The following ATL1 variants were observed in gnomAD, a reference collection of about 807,000 sequenced individuals.
ATL1 encodes the protein atlastin GTPase 1.
Under a neutral mutation model 75.5 loss-of-function variants are expected in ATL1, and 31 were observed. The observed-to-expected ratio is 0.41, with a 90% CI of 0.31 to 0.55. The LOEUF is 0.55. Ranked by LOEUF, ATL1 falls within the 20% of genes least tolerant of loss-of-function variation. The pLI, the probability that ATL1 is intolerant of heterozygous loss-of-function variation, is 0.27. For synonymous variants in ATL1, 226 were observed against 233.3 expected, an observed-to-expected ratio of 0.97 and a Z score of 0.28; for missense variants, 405 against 662.6, an observed-to-expected ratio of 0.61 and a Z score of 4.27.
At chr14:50,620,464 G>A (rs1253868367) in intron 8 of ATL1, 135 bp from the exon 9 acceptor site, 52 of 923,792 alleles carry the variant, frequency 5.6e-5, no homozygotes, top group East Asian at 8.8e-5. Context: ...TTCAGGAGTC[G>A]CTTAAATGAT....
chr14:50,544,086 T>C (rs1402678066), intron 1 of ATL1, among the ~76,000 whole-genome samples: 1 of 152,222 alleles, frequency 6.6e-6, no homozygotes, highest in Non-Finnish European at 1.5e-5. Context: ...ATGTCTGGAA[T>C]CCCAGGTATT....
chr14:50,603,926 A>G (rs1047299713), intron 6 of ATL1, among the ~76,000 whole-genome samples: 1 of 152,188 alleles, frequency 6.6e-6, no homozygotes, highest in East Asian at 1.9e-4. Flanking sequence ...ATCTGGCTAC[A>G]TAGAACTAGG....
At chr14:50,595,527 TC>T in intron 5 of ATL1, 48 bp from the exon 6 acceptor site, 1 of 1,578,174 alleles carries the variant, frequency 6.3e-7, no homozygotes, top group Non-Finnish European at 8.7e-7. Context: ...GTTCTCTCTC[TC>T]TCTCTCTCTC....
At chr14:50,624,549 C>T (rs8011039) in intron 11 of ATL1, among the ~76,000 whole-genome samples, 76,014 of 151,666 alleles carry the variant, frequency 0.5, 20,384 homozygotes, top group East Asian at 0.74. Flanking sequence ...CTTTCTTTTA[C>T]CTGAGGCACA....
intron 9 of ATL1, 46 bp downstream of exon 9, chr14:50,620,772 T>C (rs774555744): frequency 1.9e-6 from 3 of 1,605,650 alleles, no homozygotes; most frequent in Non-Finnish European, 2.6e-6. Context: ...ATTTGACATA[T>C]ATTGGATCGT....
At chr14:50,555,692 A>G (rs2140166680), upstream of ATL1, among the ~76,000 whole-genome samples, 1 of 152,344 alleles carries the variant, frequency 6.6e-6, no homozygotes, top group South Asian at 2.1e-4. Flanking sequence ...TGTAATTTTT[A>G]TAGTAGCCAA....
chr14:50,560,148 G>C lies in ATL1; in HGVS notation c.-118G>C. The C allele has an allele frequency of 4.1e-6, 5 of 1,233,726 alleles. No individual in the cohort carries two copies. The highest frequency in any genetic ancestry group is 5.8e-6 in the Non-Finnish European group (5 of 855,974). The allele number at this position is 1,233,726 out of a possible 1,614,324, so 76.4% of individuals were successfully genotyped here. A position where few individuals can be genotyped will look rare whatever the true frequency, so the allele number is the denominator to read the frequency against. ...CCAGCGCCACAGCAACATCCTCAGA[G>C]TCTGAGCGAACTGCGCCCAGCGCGG... On this transcript the variant is annotated 5_prime_UTR_variant, in exon 1 of 14. Transcript: ENST00000358385.
chr14:50,545,829 G>T (rs2038624384), intron 1 of ATL1, among the ~76,000 whole-genome samples: 2 of 152,210 alleles, frequency 1.3e-5, no homozygotes, highest in African/African-American at 4.8e-5. Flanking sequence ...TAGGACGCCA[G>T]CTGGTTACAT....
chr14:50,566,527 G>A (rs2038905534), intron 1 of ATL1, among the ~76,000 whole-genome samples: 1 of 152,098 alleles, frequency 6.6e-6, no homozygotes, highest in Non-Finnish European at 1.5e-5. Context: ...TTGGTAATAT[G>A]ATAGGTCTGA....
intron 1 of ATL1, among the ~76,000 whole-genome samples, chr14:50,553,429 A>G (rs2038727277): frequency 6.6e-6 from 1 of 151,668 alleles, no homozygotes; most frequent in African/African-American, 2.4e-5. Context: ...AGGAATGGCC[A>G]TAATTTAAAA....
chr14:50,610,024 C>T (rs891582746), intron 6 of ATL1, among the ~76,000 whole-genome samples: 3 of 151,832 alleles, frequency 2.0e-5, no homozygotes, highest in Non-Finnish European at 4.4e-5. Context: ...CACTCTGCCC[C>T]ACAGATTATG....
At chr14:50,555,531 G>A (rs896822526), upstream of ATL1, among the ~76,000 whole-genome samples, 3 of 152,134 alleles carry the variant, frequency 2.0e-5, no homozygotes, top group African/African-American at 4.8e-5. Flanking sequence ...CAATCTGCCC[G>A]CCTTGGCCTC....
intron 6 of ATL1, among the ~76,000 whole-genome samples, chr14:50,608,431 G>T (rs2039334447): frequency 6.6e-6 from 1 of 151,716 alleles, no homozygotes. Flanking sequence ...GCCATGATGG[G>T]TATATTTACA....
chr14:50,585,218 A>G (rs1411161589), intron 1 of ATL1, among the ~76,000 whole-genome samples: 1 of 152,210 alleles, frequency 6.6e-6, no homozygotes. Context: ...GAAAAAGACA[A>G]TTTTGCTCCA....
chr14:50,622,708 A>T (rs1318873250), intron 10 of ATL1, among the ~76,000 whole-genome samples: 3 of 152,176 alleles, frequency 2.0e-5, no homozygotes, highest in South Asian at 4.1e-4. Flanking sequence ...AATAAATTTT[A>T]AAAAGGGAGA....
intron 4 of ATL1, among the ~76,000 whole-genome samples, chr14:50,593,166 C>T (rs2039179659): frequency 6.6e-6 from 1 of 151,746 alleles, no homozygotes; most frequent in African/African-American, 2.4e-5. Context: ...TTATATTTGA[C>T]CTGAATACAT....
At chr14:50,536,141 A>G (rs538974773) in intron 1 of ATL1, among the ~76,000 whole-genome samples, 2 of 152,320 alleles carry the variant, frequency 1.3e-5, no homozygotes, top group South Asian at 4.1e-4. Context: ...CAGCATGAAA[A>G]CAGACTAATA....
upstream of ATL1, among the ~76,000 whole-genome samples, chr14:50,555,818 A>G (rs1393480185): frequency 6.6e-6 from 1 of 152,170 alleles, no homozygotes; most frequent in East Asian, 1.9e-4. Context: ...TTTTTTGGTT[A>G]AGCCATTTTG....
chr14:50,588,227 A>G, intron 2 of ATL1, 149 bp downstream of exon 2: 2 of 1,048,174 alleles, frequency 1.9e-6, no homozygotes, highest in Non-Finnish European at 2.8e-6. Flanking sequence ...AACCATTCCA[A>G]CCTCAGTGCT....
Sources: allele counts gnomAD v4.1 joint callset (sites outside exome capture counted in the v4.1 genomes callset), GRCh38; gene constraint gnomAD v4.1.1; transcripts MANE v1.5; gene names NCBI Gene and HGNC (gene_info 2026-07-23, HGNC 2026-07-21).